MED28: variants seen among roughly 807,000 people sequenced by gnomAD.
MED28 encodes the protein mediator complex subunit 28.
A neutral mutation model predicts 21.3 loss-of-function variants in MED28; 26 were observed. That is an observed-to-expected ratio of 1.22 (90% CI 0.89 to 1.69). The LOEUF (loss-of-function observed/expected upper bound fraction) is 1.69. MED28 is among the 40% of genes most tolerant of loss of function. MED28 has a pLI of 0.00. For missense variants in MED28, 257 were observed against 215.4 expected, an observed-to-expected ratio of 1.19 and a Z score of -1.21; for synonymous variants, 110 against 87.6, an observed-to-expected ratio of 1.26 and a Z score of -1.43.
chr4:17,621,018 G>GTTTTTTTTTT (rs10679446), intron 2 of MED28, among the ~76,000 whole-genome samples: 1 of 130,762 alleles, frequency 7.6e-6, no homozygotes, highest in Non-Finnish European at 1.6e-5. Context: ...TCTGCCTTGT[G>GTTTTTTTTTT]TTTTTTTTTT....
In MED28 at chr4:17,623,747, C is replaced by G. The variant is rs1406748776; in HGVS notation, c.486C>G (p.Ala162=). The change falls in exon 4 of 4, where the codon GCC becomes GCG. Residue 162 remains alanine (A), a synonymous_variant. Coordinates refer to ENST00000237380, the MANE Select transcript of MED28 (RefSeq NM_025205.5). The part of the protein sequence containing the change: ...KPADIPQGSL[A]YLEQASANIP... ...CCGACATCCCTCAGGGCTCCTTGGC[C>G]TACCTGGAGCAGGCATCTGCCAACA... 11 of 1,614,084 alleles carry G rather than the reference C, an allele frequency of 6.8e-6. No homozygotes were observed. The Admixed American group carries it at 1.3e-4, about 20-fold the overall frequency.
rs187395303 is a variant in MED28, at chr4:17,619,508, G to C, written c.160-393G>C. Among the ~76,000 whole-genome samples, 7 of 152,262 alleles carry C rather than the reference G, an allele frequency of 4.6e-5. No homozygotes were observed. The South Asian group carries it at 6.2e-4, about 14-fold the overall frequency. On this transcript the variant is annotated intron_variant, in intron 1 of 3. Coordinates refer to ENST00000237380, the MANE Select transcript of MED28 (RefSeq NM_025205.5). ...AGCAGGAGGGGCACAGTTTAGAAAG[G>C]GTAGACCGGCTGCTGTCTCTGAGGG...
Position 17,633,966 on chromosome 4 carries a change from C to CT in MED28, c.*10169dup. On this transcript the variant is annotated 3_prime_UTR_variant, in exon 4 of 4. Transcript: ENST00000237380. ...AGCATTATTGTAAAAGCAAATAATG[C>CT]TCACCCAATCAAAATTGTATCGGAG... 1.7e-6 allele frequency: 2 copies of CT among 1,159,328 alleles called. No homozygotes were observed. Among genetic ancestry groups the CT allele is most frequent in the Non-Finnish European group, 2.3e-6 (2 of 878,268 alleles). The allele number at this position is 1,159,328 out of a possible 1,614,324, so 71.8% of individuals were successfully genotyped here. A position where few individuals can be genotyped will look rare whatever the true frequency, so the allele number is the denominator to read the frequency against.
chr4:17,625,449 C>G lies in MED28; in HGVS notation c.*1651C>G. On this transcript the variant is annotated 3_prime_UTR_variant, in exon 4 of 4. Transcript: ENST00000237380. ...GGTAATTAGAAACTCTGATTGGCAG[C>G]TTTGTATTTCTTGACTAAAAACCTA... 1 of 248,278 alleles carries G rather than the reference C, an allele frequency of 4.0e-6. No individual in the cohort carries two copies. The highest frequency in any genetic ancestry group is 3.8e-5 in the South Asian group (1 of 26,398). The allele number at this position is 248,278 out of a possible 1,614,324, so 15.4% of individuals were successfully genotyped here. A position where few individuals can be genotyped will look rare whatever the true frequency, so the allele number is the denominator to read the frequency against.
At chr4:17,620,924 T>G (rs1361926961) in intron 2 of MED28, among the ~76,000 whole-genome samples, 1 of 151,634 alleles carries the variant, frequency 6.6e-6, no homozygotes, top group African/African-American at 2.4e-5. Context: ...CCCAGGCTGG[T>G]CTTGAACTCC....
chr4:17,624,229 G>A lies in MED28; in HGVS notation c.*431G>A, dbSNP rs1231040381. 2.2e-5 allele frequency: 4 copies of A among 178,408 alleles called. No homozygotes were observed. The highest frequency in any genetic ancestry group is 1.1e-4 in the Admixed American group (2 of 18,574). 11.1% of individuals were successfully genotyped at this position (178,408 alleles called of 1,614,324 possible). On this transcript the variant is annotated 3_prime_UTR_variant, in exon 4 of 4. Coordinates refer to ENST00000237380, the MANE Select transcript of MED28 (RefSeq NM_025205.5). Reference sequence around the variant, plus strand: ...CTTATGATAATTACCCCGCGGTGGTGTGTAGAAAAGTATGTAAATTTGCTC... The same window carrying A: ...CTTATGATAATTACCCCGCGGTGGTATGTAGAAAAGTATGTAAATTTGCTC...
chr4:17,614,927 A>G (rs1714403492), intron 1 of MED28, 114 bp downstream of exon 1: 2 of 1,288,390 alleles, frequency 1.6e-6, no homozygotes, highest in Non-Finnish European at 2.1e-6. Context: ...AAATGGGGAA[A>G]CTGAGGCTTA....
chr4:17,627,632 C>G lies in MED28; in HGVS notation c.*3834C>G, dbSNP rs1328558701. 1.3e-5 allele frequency: 2 copies of G among 152,250 alleles called. No homozygotes were observed. The highest frequency in any genetic ancestry group is 4.8e-5 in the African/African-American group (2 of 41,418). The allele number at this position is 152,250 out of a possible 1,614,324, so 9.4% of individuals were successfully genotyped here. On this transcript the variant is annotated 3_prime_UTR_variant, in exon 4 of 4. Coordinates refer to ENST00000237380, the MANE Select transcript of MED28 (RefSeq NM_025205.5). Reference sequence around the variant, plus strand: ...TGTTCCTGCCCAGGGCATGCTGGTCCTGGCTGTCACCAAGCACAGTGGAGG... The same window carrying G: ...TGTTCCTGCCCAGGGCATGCTGGTCGTGGCTGTCACCAAGCACAGTGGAGG...
At chr4:17,619,609 T>G (rs1232808874) in intron 1 of MED28, among the ~76,000 whole-genome samples, 1 of 152,106 alleles carries the variant, frequency 6.6e-6, no homozygotes, top group African/African-American at 2.4e-5. Context: ...ACAGTGGGGC[T>G]GGAAGAGTGT....
chr4:17,616,438 C>G (rs977957179), intron 1 of MED28, among the ~76,000 whole-genome samples: 22 of 152,150 alleles, frequency 1.4e-4, no homozygotes, highest in Admixed American at 1.4e-3. Context: ...AAGTCTTAGC[C>G]AAAGTTGACT....
At chr4:17,617,833 G>A (rs1714493846) in intron 1 of MED28, among the ~76,000 whole-genome samples, 1 of 151,944 alleles carries the variant, frequency 6.6e-6, no homozygotes, top group Non-Finnish European at 1.5e-5. Context: ...CTGAAACCCG[G>A]GAGGCAGAGG....
Position 17,623,718 on chromosome 4 carries a change from C to CCCG in MED28, c.461_463dup (p.Ala154dup). ...GGACATCAACGTGCAGCACAAAAAG[C>CCCG]CCGCCGACATCCCTCAGGGCTCCTT... On this transcript the variant is annotated inframe_insertion, in exon 4 of 4. Coordinates refer to ENST00000237380, the MANE Select transcript of MED28 (RefSeq NM_025205.5). 6.2e-7 allele frequency: 1 copy of CCCG among 1,614,220 alleles called. No homozygotes were observed. Among genetic ancestry groups the CCCG allele is most frequent in the Non-Finnish European group, 8.5e-7 (1 of 1,180,050 alleles).
chr4:17,620,299 G>A (rs999173079), intron 2 of MED28, among the ~76,000 whole-genome samples: 14 of 150,944 alleles, frequency 9.3e-5, no homozygotes, highest in African/African-American at 2.4e-5. Context: ...TATTCCCCAA[G>A]TTCTGTCCCT....
chr4:17,633,288 C>T lies in MED28; in HGVS notation c.*9490C>T, dbSNP rs1345053160. The T allele has an allele frequency of 6.3e-6, 1 of 158,344 alleles. No individual in the cohort carries two copies. The highest frequency in any genetic ancestry group is 1.4e-5 in the Non-Finnish European group (1 of 72,376). The allele number at this position is 158,344 out of a possible 1,614,324, so 9.8% of individuals were successfully genotyped here. A position where few individuals can be genotyped will look rare whatever the true frequency, so the allele number is the denominator to read the frequency against. On this transcript the variant is annotated 3_prime_UTR_variant, in exon 4 of 4. Transcript: ENST00000237380. ...TTGAGGAATAATGTTAGTAATAATA[C>T]TGAAACTATATTGAAGATTTTTGTG...
intron 2 of MED28, 184 bp downstream of exon 2, chr4:17,620,151 C>T (rs1027236589): frequency 5.0e-6 from 3 of 599,762 alleles, no homozygotes; most frequent in Admixed American, 2.9e-5. Flanking sequence ...GACATATCAC[C>T]CATAACGAAT....
intron 1 of MED28, 23 bp downstream of exon 1, chr4:17,614,836 T>C (rs769573744): frequency 1.3e-6 from 2 of 1,580,764 alleles, no homozygotes; most frequent in South Asian, 2.3e-5. Flanking sequence ...ATGGGCGTCT[T>C]TGTCCCTAGC....
intron 1 of MED28, among the ~76,000 whole-genome samples, chr4:17,615,959 G>T (rs972344128): frequency 6.6e-6 from 1 of 152,088 alleles, no homozygotes; most frequent in African/African-American, 2.4e-5. Context: ...GATGTACAAA[G>T]ATTTAGAAAT....
At chr4:17,616,147 G>A (rs966230736) in intron 1 of MED28, among the ~76,000 whole-genome samples, 5 of 152,068 alleles carry the variant, frequency 3.3e-5, no homozygotes, top group Non-Finnish European at 5.9e-5. Context: ...AGTAGAGACA[G>A]GGCTTCACTA....
chr4:17,631,092 A>G lies in MED28; in HGVS notation c.*7294A>G, dbSNP rs991789594. On this transcript the variant is annotated 3_prime_UTR_variant, in exon 4 of 4. Coordinates refer to ENST00000237380, the MANE Select transcript of MED28 (RefSeq NM_025205.5). ...GACAAATCAGTGTGGACTGAGAGCA[A>G]GGTCAGCACCGTGAACAGCCATTGC... 5.3e-5 allele frequency: 8 copies of G among 152,240 alleles called. No individual in the cohort carries two copies. The highest frequency in any genetic ancestry group is 1.9e-4 in the African/African-American group (8 of 41,456). The allele number at this position is 152,240 out of a possible 1,614,324, so 9.4% of individuals were successfully genotyped here. A position where few individuals can be genotyped will look rare whatever the true frequency, so the allele number is the denominator to read the frequency against.
Sources: allele counts gnomAD v4.1 joint callset (sites outside exome capture counted in the v4.1 genomes callset), GRCh38; gene constraint gnomAD v4.1.1; transcripts MANE v1.5; gene names NCBI Gene and HGNC (gene_info 2026-07-23, HGNC 2026-07-21).